The following RAD54L2 variants were observed in gnomAD, a reference collection of about 807,000 sequenced individuals.
RAD54L2 encodes helicase ARIP4.
In RAD54L2, 27 loss-of-function variants were observed where a neutral mutation model predicts 138.4. The ratio of observed to expected loss-of-function variants is 0.20; its 90% CI spans 0.14 to 0.27. The LOEUF is 0.27. RAD54L2 is among the 10% of genes least tolerant of loss of function. RAD54L2 has a pLI of 1.00. For synonymous variants in RAD54L2, 644 were observed against 723.2 expected (o/e 0.89, Z 1.76); for missense variants, 1,396 against 1,890.2 (o/e 0.74, Z 4.85).
intron 20 of RAD54L2, 134 bp downstream of exon 20, chr3:51,656,304 A>G (rs1701598721): frequency 2.6e-6 from 2 of 774,412 alleles, no homozygotes; most frequent in African/African-American, 3.5e-5. Context: ...AAAATAGGGA[A>G]GACAACAGTC....
intron 7 of RAD54L2, among the ~76,000 whole-genome samples, chr3:51,632,011 C>T (rs1450624770): frequency 1.6e-4 from 24 of 152,138 alleles, no homozygotes; most frequent in Non-Finnish European, 1.5e-5. Context: ...CTGGTAATTA[C>T]CATTCTATTT....
intron 14 of RAD54L2, among the ~76,000 whole-genome samples, chr3:51,641,158 A>G (rs1701124482): frequency 6.6e-6 from 1 of 151,922 alleles, no homozygotes; most frequent in African/African-American, 2.4e-5. Context: ...ACGTGCCACC[A>G]TGCCAGGCTA....
intron 19 of RAD54L2, among the ~76,000 whole-genome samples, chr3:51,653,882 G>C (rs563619126): frequency 6.6e-6 from 1 of 152,098 alleles, no homozygotes; most frequent in Non-Finnish European, 1.5e-5. Context: ...GTATACATAC[G>C]TAACAACCCT....
rs367882362 is a variant in RAD54L2 at position 51,619,492 on chromosome 3, T to C, written c.140-8061T>C. Among the ~76,000 whole-genome samples the C allele has an allele frequency of 4.9e-4, 73 of 148,370 alleles. 2 individuals are homozygous for C. The East Asian group carries it at 6.0e-3, about 12-fold the overall frequency. ...CTGACACAGTGCAATGTGTCTCTCTTTTTTTTTTTTTTCCAGTTTCCTATA... is the reference window on the plus strand; with the variant it reads ...CTGACACAGTGCAATGTGTCTCTCTCTTTTTTTTTTTTCCAGTTTCCTATA... On this transcript the variant is annotated intron_variant, in intron 3 of 22. Transcript: ENST00000684192.
chr3:51,600,011 C>G (rs1171295965), intron 3 of RAD54L2, among the ~76,000 whole-genome samples: 3 of 152,042 alleles, frequency 2.0e-5, no homozygotes, highest in African/African-American at 7.2e-5. Context: ...TCACTGCAAC[C>G]TCCACCTCCT....
At chr3:51,642,442 A>G (rs940191280) in intron 15 of RAD54L2, among the ~76,000 whole-genome samples, 2 of 151,514 alleles carry the variant, frequency 1.3e-5, no homozygotes, top group African/African-American at 4.9e-5. Context: ...ATTAAATTTC[A>G]TGAAGGACAT....
Position 51,634,045 on chromosome 3 carries a change from C to T in RAD54L2, c.1142+10C>T, listed in dbSNP as rs1405468904. 2 of 1,611,486 alleles carry T rather than the reference C, an allele frequency of 1.2e-6. No homozygotes were observed. The highest frequency in any genetic ancestry group is 1.3e-5 in the African/African-American group (1 of 74,826). On this transcript the variant is annotated intron_variant, in intron 9 of 22. Coordinates refer to ENST00000684192, the MANE Select transcript of RAD54L2 (RefSeq NM_015106.4). ...TGAATGATGAGCACAAGTAGGTGGC[C>T]TGCCCTTTCCTCTCTGCCCCTTTCC... is the stretch of plus-strand genomic sequence containing the variant.
intron 2 of RAD54L2, among the ~76,000 whole-genome samples, chr3:51,549,546 T>C (rs1577381394): frequency 1.3e-5 from 2 of 151,628 alleles, no homozygotes; most frequent in Admixed American, 6.6e-5. Context: ...GGCGGGGCGG[T>C]GGAGGGAAAT....
intron 3 of RAD54L2, among the ~76,000 whole-genome samples, chr3:51,614,333 T>G (rs1700397790): frequency 6.6e-6 from 1 of 152,016 alleles, no homozygotes. Flanking sequence ...AGCTAATTTT[T>G]TTTTATTTTT....
intron 3 of RAD54L2, among the ~76,000 whole-genome samples, chr3:51,624,393 A>G (rs1284530277): frequency 6.6e-6 from 1 of 151,806 alleles, no homozygotes; most frequent in Non-Finnish European, 1.5e-5. Context: ...CAAGTGCATG[A>G]CACCATGCTC....
chr3:51,634,916 C>A (rs1372951517), intron 9 of RAD54L2, among the ~76,000 whole-genome samples: 2 of 152,220 alleles, frequency 1.3e-5, no homozygotes, highest in Non-Finnish European at 1.5e-5. Flanking sequence ...ACATGCTAAC[C>A]TTTCCCCTCA....
At chr3:51,598,553 G>A (rs955476793) in intron 3 of RAD54L2, among the ~76,000 whole-genome samples, 7 of 152,160 alleles carry the variant, frequency 4.6e-5, no homozygotes, top group African/African-American at 7.2e-5. Context: ...CCAGGAGTTC[G>A]AGACCAGCCT....
In RAD54L2 at chr3:51,665,944, T is replaced by G. The variant is rs1473071627; in HGVS notation, c.*2524T>G. On this transcript the variant is annotated 3_prime_UTR_variant, in exon 23 of 23. Transcript: ENST00000684192. ...AAACCATTCCCTGGAGGGATGGGCT[T>G]GGCTTTTGAAGTTGACAGAAAGTAA... The G allele has an allele frequency of 6.6e-6, 1 of 152,176 alleles. No individual in the cohort carries two copies. Among genetic ancestry groups the G allele is most frequent in the Non-Finnish European group, 1.5e-5 (1 of 68,028 alleles). The allele number at this position is 152,176 out of a possible 1,614,324, so 9.4% of individuals were successfully genotyped here. A position where few individuals can be genotyped will look rare whatever the true frequency, so the allele number is the denominator to read the frequency against.
chr3:51,606,081 A>G (rs1700174210), intron 3 of RAD54L2, among the ~76,000 whole-genome samples: 1 of 152,214 alleles, frequency 6.6e-6, no homozygotes. Flanking sequence ...GAGACCATCG[A>G]GCAGAAGCTG....
intron 3 of RAD54L2, among the ~76,000 whole-genome samples, chr3:51,603,698 T>C (rs900918466): frequency 3.9e-5 from 6 of 151,998 alleles, no homozygotes; most frequent in Non-Finnish European, 7.4e-5. Context: ...AAATAAATAA[T>C]TTTTGGGGTA....
intron 2 of RAD54L2, among the ~76,000 whole-genome samples, chr3:51,572,795 C>G (rs541499670): frequency 2.6e-5 from 4 of 151,514 alleles, no homozygotes; most frequent in Non-Finnish European, 1.5e-5. Flanking sequence ...CCTGCCACTA[C>G]GCCCAGCTAA....
chr3:51,544,744 C>T (rs934078740), intron 2 of RAD54L2, among the ~76,000 whole-genome samples: 3 of 152,126 alleles, frequency 2.0e-5, no homozygotes, highest in Admixed American at 6.6e-5. Context: ...GTAACTGGGA[C>T]TATAGGTGCG....
At chr3:51,599,864 C>T (rs894376900) in intron 3 of RAD54L2, among the ~76,000 whole-genome samples, 2 of 152,052 alleles carry the variant, frequency 1.3e-5, no homozygotes, top group Non-Finnish European at 2.9e-5. Flanking sequence ...GTGATCCACC[C>T]GCCTCAGCCT....
rs1449733397 is a variant in RAD54L2 at position 51,665,299 on chromosome 3, G to C, written c.*1879G>C. ...GGTGTACCTGCCTCTTCCCAGCCCA[G>C]AAGGCAGCTTAGTCAGGTCATCCCA... is the stretch of plus-strand genomic sequence containing the variant. On this transcript the variant is annotated 3_prime_UTR_variant, in exon 23 of 23. Transcript: ENST00000684192. 1 of 152,082 alleles carries C rather than the reference G, an allele frequency of 6.6e-6. No individual in the cohort carries two copies. The highest frequency in any genetic ancestry group is 1.5e-5 in the Non-Finnish European group (1 of 68,038). 9.4% of individuals were successfully genotyped at this position (152,082 alleles called of 1,614,324 possible).
Sources: allele counts gnomAD v4.1 joint callset (sites outside exome capture counted in the v4.1 genomes callset), GRCh38; gene constraint gnomAD v4.1.1; transcripts MANE v1.5; gene names NCBI Gene and HGNC (gene_info 2026-07-23, HGNC 2026-07-21).